Variants in INO80 observed in about 807,000 individuals in gnomAD.
INO80 encodes chromatin-remodeling ATPase INO80.
Under a neutral mutation model 203.4 loss-of-function variants are expected in INO80, and 20 were observed. That is an observed-to-expected ratio of 0.10 (90% CI 0.07 to 0.14). The LOEUF (loss-of-function observed/expected upper bound fraction) is 0.14. Ranked by LOEUF, INO80 falls within the 10% of genes least tolerant of loss-of-function variation. The probability of loss-of-function intolerance (pLI) is 1.00; values close to 1 mark genes in which losing one functional copy is unlikely to be tolerated. For synonymous variants in INO80, 726 were observed against 685.2 expected (o/e 1.06, Z -0.93); for missense variants, 1,419 against 1,914.4 (o/e 0.74, Z 4.83).
intron 21 of INO80, among the ~76,000 whole-genome samples, chr15:41,049,036 T>A (rs1010598786): frequency 6.6e-6 from 1 of 152,220 alleles, no homozygotes; most frequent in African/African-American, 2.4e-5. Context: ...TGCAAGTACA[T>A]ATTTACAAAT....
intron 24 of INO80, among the ~76,000 whole-genome samples, chr15:41,028,727 A>C (rs2044413946): frequency 6.6e-6 from 1 of 152,184 alleles, no homozygotes; most frequent in Non-Finnish European, 1.5e-5. Flanking sequence ...ATGGTGGCGG[A>C]TGCCTGTAAT....
chr15:41,044,542 T>C (rs906012544), intron 24 of INO80, among the ~76,000 whole-genome samples: 1 of 152,268 alleles, frequency 6.6e-6, no homozygotes. Context: ...AATTGTTGGT[T>C]TGTCTTTTTC....
At chr15:41,055,185 T>C (rs755583219) in intron 18 of INO80, 62 bp downstream of exon 18, 42 of 793,570 alleles carry the variant, frequency 5.3e-5, no homozygotes, top group Non-Finnish European at 7.2e-5. Context: ...AAAGAAAATA[T>C]GCAATTACGT....
intron 5 of INO80, among the ~76,000 whole-genome samples, chr15:41,089,325 A>G (rs2045601943): frequency 6.6e-6 from 1 of 152,246 alleles, no homozygotes; most frequent in Non-Finnish European, 1.5e-5. Flanking sequence ...AACCACTTCT[A>G]CAGGTTTATA....
At chr15:41,008,224 TACAC>T (rs71104765) in intron 27 of INO80, among the ~76,000 whole-genome samples, 119,205 of 148,860 alleles carry the variant, frequency 0.8, 49,407 homozygotes, top group East Asian at 0.93. Context: ...TATATATACA[TACAC>T]ACACACACAC....
intron 1 of INO80, among the ~76,000 whole-genome samples, chr15:41,115,680 G>A (rs2046023023): frequency 2.0e-5 from 3 of 152,116 alleles, no homozygotes; most frequent in South Asian, 2.1e-4. Flanking sequence ...ACGTGCACCT[G>A]GTCTAACACA....
intron 1 of INO80, among the ~76,000 whole-genome samples, chr15:41,102,865 T>C (rs372573950): frequency 5.3e-5 from 8 of 152,118 alleles, no homozygotes; most frequent in African/African-American, 1.7e-4. Context: ...ACTCCTTGAC[T>C]GAAACTTTAT....
At position 41,084,714 on chromosome 15, in the gene INO80, C is replaced by T. The variant is rs542733237; in HGVS notation, c.873+655G>A. On this transcript the variant is annotated intron_variant, in intron 7 of 35. Coordinates refer to ENST00000648947, the MANE Select transcript of INO80 (RefSeq NM_017553.3). Reference sequence around the variant, plus strand: ...AAATTCTCTAAGAAACATATCAACTCCTTTTTATTTTATTTAATTTTTGAG... The same window carrying T: ...AAATTCTCTAAGAAACATATCAACTTCTTTTTATTTTATTTAATTTTTGAG... Among the ~76,000 whole-genome samples the T allele has an allele frequency of 1.4e-4, 21 of 152,178 alleles. No individual in the cohort carries two copies. In the South Asian group the frequency reaches 3.5e-3, roughly 26 times the overall value.
chr15:41,104,858 T>C (rs1393376580), intron 1 of INO80, among the ~76,000 whole-genome samples: 1 of 152,154 alleles, frequency 6.6e-6, no homozygotes, highest in Non-Finnish European at 1.5e-5. Flanking sequence ...AGTATTTATA[T>C]TGTACAGAAT....
intron 14 of INO80, among the ~76,000 whole-genome samples, chr15:41,067,224 C>A (rs2045236944): frequency 6.6e-6 from 1 of 151,996 alleles, no homozygotes; most frequent in South Asian, 2.1e-4. Flanking sequence ...TTACAGGCGC[C>A]CGCCATAACA....
At chr15:41,038,381 T>C (rs1045818817) in intron 24 of INO80, among the ~76,000 whole-genome samples, 8 of 151,966 alleles carry the variant, frequency 5.3e-5, no homozygotes, top group Non-Finnish European at 8.8e-5. Flanking sequence ...TAAACCAAAC[T>C]CCCCTCCTGA....
At chr15:41,114,245 C>A (rs1342963228) in intron 1 of INO80, among the ~76,000 whole-genome samples, 1 of 150,258 alleles carries the variant, frequency 6.7e-6, no homozygotes, top group Non-Finnish European at 1.5e-5. Flanking sequence ...CCAGCCTGGG[C>A]GACAGAGCCA....
chr15:41,060,889 A>G (rs962199004), intron 14 of INO80, among the ~76,000 whole-genome samples: 2 of 152,246 alleles, frequency 1.3e-5, no homozygotes, highest in Non-Finnish European at 2.9e-5. Flanking sequence ...AGCTTTTCCT[A>G]TACAATGTCT....
chr15:41,091,361 G>T (rs1458713813), intron 5 of INO80, among the ~76,000 whole-genome samples: 1 of 151,910 alleles, frequency 6.6e-6, no homozygotes, highest in African/African-American at 2.4e-5. Flanking sequence ...CACCCAGTCA[G>T]GAATTTTCTC....
At position 41,100,235 on chromosome 15, in the gene INO80, A is replaced by C. The variant is rs548587518; in HGVS notation, c.-43-3882T>G. ...GACTACAGGCGCCTGCCACCACGCC[A>C]GGCTAACTTTTTGTATTTTTAGTAC... On this transcript the variant is annotated intron_variant, in intron 1 of 35. Transcript: ENST00000648947. Among the ~76,000 whole-genome samples, 6 of 151,898 alleles carry C rather than the reference A, an allele frequency of 4.0e-5. No individual in the cohort carries two copies. The East Asian group carries it at 1.2e-3, about 29-fold the overall frequency.
intron 24 of INO80, among the ~76,000 whole-genome samples, chr15:41,039,599 T>C (rs2044637523): frequency 6.6e-6 from 1 of 152,220 alleles, no homozygotes; most frequent in Admixed American, 6.5e-5. Flanking sequence ...AAAAGGCTGT[T>C]CTGAAGGTAG....
chr15:40,995,488 A>C (rs949718599), intron 29 of INO80, among the ~76,000 whole-genome samples: 1 of 152,234 alleles, frequency 6.6e-6, no homozygotes, highest in East Asian at 1.9e-4. Context: ...GATAAAGGAC[A>C]CAAATGAAGA....
chr15:41,046,927 A>T (rs2044777821), intron 23 of INO80, among the ~76,000 whole-genome samples: 1 of 149,420 alleles, frequency 6.7e-6, no homozygotes, highest in East Asian at 2.0e-4. Flanking sequence ...CCTGGTCAAC[A>T]AACTGTACTA....
At chr15:41,078,268 CAGAA>C (rs1161647827) in intron 9 of INO80, among the ~76,000 whole-genome samples, 2 of 152,042 alleles carry the variant, frequency 1.3e-5, no homozygotes, top group Admixed American at 6.6e-5. Context: ...ATTAAGAAAA[CAGAA>C]AGGATATGTC....
Sources: gnomAD v4.1 joint callset for allele counts (sites outside exome capture counted in the v4.1 genomes callset) on GRCh38, gnomAD v4.1.1 for gene constraint, MANE v1.5 for transcripts, NCBI Gene and HGNC (gene_info 2026-07-23, HGNC 2026-07-21) for gene names.